Variants in CCDC60 observed in about 807,000 individuals in gnomAD.
CCDC60 encodes the protein coiled-coil domain containing 60.
A neutral mutation model predicts 63.5 loss-of-function variants in CCDC60; 54 were observed. That is an observed-to-expected ratio of 0.85 (90% confidence interval 0.68 to 1.07). The LOEUF (loss-of-function observed/expected upper bound fraction) is 1.07. Among genes scored for constraint, CCDC60 ranks in the 50% least tolerant of loss-of-function variants. The pLI is 0.00. For synonymous variants in CCDC60, 206 were observed against 238.8 expected (o/e 0.86, Z 1.27); for missense variants, 651 against 684.3 (o/e 0.95, Z 0.54).
chr12:119,516,836 C>G, intron 8 of CCDC60, 129 bp downstream of exon 8: 2 of 617,168 alleles, frequency 3.2e-6, no homozygotes, highest in Admixed American at 5.8e-5. Flanking sequence ...TGTGTATCAC[C>G]TCTCTGAGTT....
chr12:119,396,637 T>G (rs11610654), intron 1 of CCDC60, among the ~76,000 whole-genome samples: 12,608 of 152,198 alleles, frequency 0.083, 698 homozygotes, highest in Non-Finnish European at 0.12. Context: ...CCCAGCACTT[T>G]GAGAGGCCAA....
intron 2 of CCDC60, among the ~76,000 whole-genome samples, chr12:119,454,233 C>A (rs1286262968): frequency 3.9e-5 from 6 of 152,152 alleles, no homozygotes; most frequent in Admixed American, 3.9e-4. Context: ...TCTTACTAAC[C>A]CTATGGTCAG....
intron 2 of CCDC60, among the ~76,000 whole-genome samples, chr12:119,455,972 A>G (rs1215523327): frequency 1.7e-5 from 2 of 115,552 alleles, no homozygotes; most frequent in Non-Finnish European, 3.5e-5. Flanking sequence ...GAGGGGAGGG[A>G]GGGAGGGAGA....
At chr12:119,415,720 A>G (rs1470058205) in intron 1 of CCDC60, among the ~76,000 whole-genome samples, 1 of 152,246 alleles carries the variant, frequency 6.6e-6, no homozygotes, top group African/African-American at 2.4e-5. Flanking sequence ...ACAACTTGGT[A>G]AATTAGCTCA....
At chr12:119,336,578 C>T (rs183405577) in intron 1 of CCDC60, among the ~76,000 whole-genome samples, 1 of 152,304 alleles carries the variant, frequency 6.6e-6, no homozygotes, top group Admixed American at 6.5e-5. Context: ...AGAGGGTCAA[C>T]TTTTGGTGTT....
intron 1 of CCDC60, among the ~76,000 whole-genome samples, chr12:119,378,171 C>CA (rs1377388749): frequency 2.0e-5 from 3 of 152,188 alleles, no homozygotes; most frequent in Non-Finnish European, 4.4e-5. Flanking sequence ...ACTAGCAGAT[C>CA]GGTTCTCTAC....
At chr12:119,442,661 G>C (rs1326393641) in intron 2 of CCDC60, among the ~76,000 whole-genome samples, 1 of 152,156 alleles carries the variant, frequency 6.6e-6, no homozygotes, top group African/African-American at 2.4e-5. Flanking sequence ...TCTGAAAAAA[G>C]TCTTTACTAT....
chr12:119,379,288 A>G (rs1004804411), intron 1 of CCDC60, among the ~76,000 whole-genome samples: 1 of 152,214 alleles, frequency 6.6e-6, no homozygotes, highest in African/African-American at 2.4e-5. Context: ...TATATAGAAC[A>G]TCATTTTCCA....
At chr12:119,540,369 T>G (rs979486125) in intron 13 of CCDC60, among the ~76,000 whole-genome samples, 2 of 152,172 alleles carry the variant, frequency 1.3e-5, no homozygotes, top group African/African-American at 4.8e-5. Flanking sequence ...CCTCCCCAAA[T>G]TTCCTTGCAT....
intron 1 of CCDC60, among the ~76,000 whole-genome samples, chr12:119,342,651 G>A (rs1205838492): frequency 6.6e-6 from 1 of 152,198 alleles, no homozygotes. Flanking sequence ...AAAAAGTAGA[G>A]TTCCCCCAGT....
intron 2 of CCDC60, among the ~76,000 whole-genome samples, chr12:119,453,964 G>A (rs917376384): frequency 2.0e-5 from 3 of 152,104 alleles, no homozygotes; most frequent in Non-Finnish European, 2.9e-5. Context: ...ACCATGTATC[G>A]AACAGCTCCA....
rs758216401 is a variant in CCDC60, at chr12:119,505,154, G to T, written c.734G>T (p.Ser245Ile). ...RGSTLSLSRA[S>I]GGSSPQSSMI... Reference sequence around the variant, plus strand: ...TCCACACTCAGTCTGAGTCGGGCCAGTGGGGGGTCCTCTCCCCAGAGCAGC... The same window carrying T: ...TCCACACTCAGTCTGAGTCGGGCCATTGGGGGGTCCTCTCCCCAGAGCAGC... The change falls in exon 7 of 14, where the codon AGT becomes ATT. Residue 245 changes from serine to isoleucine, a missense_variant. By Grantham distance (142) the Ser-to-Ile change is moderately radical. Coordinates refer to ENST00000327554, the MANE Select transcript of CCDC60 (RefSeq NM_178499.5). 20 of 1,614,008 alleles carry T rather than the reference G, an allele frequency of 1.2e-5. No homozygotes were observed. The highest frequency in any genetic ancestry group is 3.3e-5 in the South Asian group (3 of 91,078).
intron 5 of CCDC60, among the ~76,000 whole-genome samples, chr12:119,494,994 A>C (rs1332491269): frequency 2.6e-5 from 4 of 152,212 alleles, no homozygotes; most frequent in Non-Finnish European, 5.9e-5. Context: ...ATATGACACA[A>C]ACATCAAAAT....
chr12:119,469,625 A>T, intron 2 of CCDC60, among the ~76,000 whole-genome samples: 1 of 152,180 alleles, frequency 6.6e-6, no homozygotes, highest in East Asian at 1.9e-4. Context: ...CTCCTGGTCC[A>T]GTGATTTATT....
intron 3 of CCDC60, among the ~76,000 whole-genome samples, chr12:119,474,714 A>G (rs1486545449): frequency 6.6e-6 from 1 of 151,994 alleles, no homozygotes; most frequent in Non-Finnish European, 1.5e-5. Context: ...ACCTTAATAA[A>G]TTTTTCTTCA....
intron 13 of CCDC60, among the ~76,000 whole-genome samples, chr12:119,533,409 G>C (rs1407680738): frequency 5.3e-5 from 8 of 152,144 alleles, no homozygotes; most frequent in Admixed American, 5.2e-4. Flanking sequence ...CTGTGCAGAA[G>C]CTCTTTAGTT....
intron 2 of CCDC60, among the ~76,000 whole-genome samples, chr12:119,444,143 C>G (rs1474240920): frequency 6.6e-6 from 1 of 152,164 alleles, no homozygotes; most frequent in Non-Finnish European, 1.5e-5. Flanking sequence ...AGCTAAGAAA[C>G]TTAAGGTTCT....
chr12:119,502,468 A>C lies in CCDC60; in HGVS notation c.648+2300A>C, dbSNP rs533812883. ...CTGCTGAGTGAAATATAAAAAATAG[A>C]GAAGCAGCATTTAGGGATTTAAGTC... On this transcript the variant is annotated intron_variant, in intron 6 of 13. Transcript: ENST00000327554. Among the ~76,000 whole-genome samples the C allele has an allele frequency of 4.7e-4, 71 of 152,324 alleles. No individual in the cohort carries two copies. The South Asian group carries it at 0.014, about 31-fold the overall frequency.
intron 1 of CCDC60, among the ~76,000 whole-genome samples, chr12:119,424,853 A>G (rs1344423663): frequency 1.3e-5 from 2 of 152,178 alleles, no homozygotes; most frequent in East Asian, 3.9e-4. Flanking sequence ...ATCCATTGAA[A>G]TGCTGACATA....
Sources: gnomAD v4.1 joint callset for allele counts (sites outside exome capture counted in the v4.1 genomes callset) on GRCh38, gnomAD v4.1.1 for gene constraint, MANE v1.5 for transcripts, NCBI Gene and HGNC (gene_info 2026-07-23, HGNC 2026-07-21) for gene names.